HDX: variants seen among roughly 807,000 people sequenced by gnomAD.
The protein encoded by HDX is chromosome X open reading frame 43.
HDX carries 19 observed loss-of-function variants against 45.2 expected under a neutral mutation model. That is an observed-to-expected ratio of 0.42 (90% confidence interval 0.29 to 0.62). The LOEUF (loss-of-function observed/expected upper bound fraction) is 0.62, where lower values mean the gene tolerates loss of function less well. Among genes scored for constraint, HDX ranks in the 20% least tolerant of loss-of-function variants. HDX has a pLI of 0.20. For synonymous variants in HDX, 188 were observed against 172.8 expected, an observed-to-expected ratio of 1.09 and a Z score of -0.69; for missense variants, 532 against 493.9, an observed-to-expected ratio of 1.08 and a Z score of -0.73.
intron 5 of HDX, among the ~76,000 whole-genome samples, chrX:84,405,588 C>CTTTTTTTTTTTTTTT (rs55758874): frequency 3.4e-5 from 2 of 58,209 alleles, no homozygotes; most frequent in African/African-American, 1.3e-4. Context: ...GGATTTTCTG[C>CTTTTTTTTTTTTTTT]TTTTTTTTTT....
chrX:84,461,000 A>C (rs1314393071), intron 4 of HDX, among the ~76,000 whole-genome samples: 1 of 111,671 alleles, frequency 9.0e-6, no homozygotes, highest in Non-Finnish European at 1.9e-5. Flanking sequence ...AATGAAAACT[A>C]TAAAACATTG....
At chrX:84,371,740 T>C (rs1304481778) in intron 5 of HDX, among the ~76,000 whole-genome samples, 9 of 111,746 alleles carry the variant, frequency 8.1e-5, no homozygotes, top group African/African-American at 2.6e-4. Flanking sequence ...CAGGTTCACA[T>C]TTGATGCTTA....
chrX:84,323,303 G>A (rs1401176583), intron 10 of HDX, among the ~76,000 whole-genome samples: 1 of 111,037 alleles, frequency 9.0e-6, no homozygotes, highest in East Asian at 2.8e-4. Flanking sequence ...AATAGGACAC[G>A]GAGCCATTTT....
intron 5 of HDX, among the ~76,000 whole-genome samples, chrX:84,432,950 A>G (rs1456497701): frequency 9.0e-6 from 1 of 111,122 alleles, no homozygotes; most frequent in Non-Finnish European, 1.9e-5. Flanking sequence ...GTATAATGTC[A>G]GCATACCTGT....
intron 5 of HDX, among the ~76,000 whole-genome samples, chrX:84,375,727 A>C (rs745384321): frequency 3.7e-5 from 4 of 106,908 alleles, no homozygotes; most frequent in Admixed American, 3.0e-4. Context: ...GGGAACATCA[A>C]ACTCTGGGGA....
intron 5 of HDX, among the ~76,000 whole-genome samples, chrX:84,395,366 T>A (rs904872624): frequency 1.8e-5 from 2 of 110,700 alleles, no homozygotes; most frequent in South Asian, 3.8e-4. Flanking sequence ...GCAAGTTTTT[T>A]TTTTTTCCCC....
intron 5 of HDX, among the ~76,000 whole-genome samples, chrX:84,419,350 T>A (rs2039193841): frequency 9.0e-6 from 1 of 111,473 alleles, no homozygotes; most frequent in Non-Finnish European, 1.9e-5. Context: ...CACCACAAGC[T>A]GACTTAAGAG....
At chrX:84,347,669 C>A (rs2037237852) in intron 6 of HDX, among the ~76,000 whole-genome samples, 1 of 111,407 alleles carries the variant, frequency 9.0e-6, no homozygotes, top group African/African-American at 3.3e-5. Flanking sequence ...CTGAAAAAGT[C>A]TATTTCTCCT....
chrX:84,355,134 T>C (rs1781148055), intron 6 of HDX, among the ~76,000 whole-genome samples: 1 of 108,304 alleles, frequency 9.2e-6, no homozygotes, highest in Non-Finnish European at 1.9e-5. Flanking sequence ...AATCTAGCCA[T>C]GCTCCTTTGA....
chrX:84,320,937 G>C lies in HDX; in HGVS notation c.*952C>G, dbSNP rs2036585162. ...TATCCTTGGCTGATGGCTCTGTACA[G>C]GCCTCATATGGAAATGAGGTAAATT... On this transcript the variant is annotated 3_prime_UTR_variant, in exon 11 of 11. Transcript: ENST00000373177. The C allele has an allele frequency of 9.0e-6, 1 of 110,632 alleles. No individual in the cohort carries two copies. The highest frequency in any genetic ancestry group is 3.8e-4 in the South Asian group (1 of 2,660). The allele number at this position is 110,632 out of a possible 1,213,427, so 9.1% of individuals were successfully genotyped here. A position where few individuals can be genotyped will look rare whatever the true frequency, so the allele number is the denominator to read the frequency against.
At chrX:84,447,484 C>T (rs1054743915) in intron 4 of HDX, among the ~76,000 whole-genome samples, 1 of 111,170 alleles carries the variant, frequency 9.0e-6, no homozygotes, top group African/African-American at 3.3e-5. Flanking sequence ...GCAATCTTAG[C>T]CAATGGAAAG....
chrX:84,469,157 A>G lies in HDX; in HGVS notation c.566T>C (p.Val189Ala). ...QTSVLNAGNS[V>A]FNHAKKNYGN... ...ATAGTTTTTCTTTGCGTGATTGAAT[A>G]CTGAGTTTCCAGCATTTAGCACACT... Residue 189 changes from valine (V) to alanine (A), a missense_variant, in exon 4 of 11, where the codon GTA becomes GCA. Coordinates refer to ENST00000373177, the MANE Select transcript of HDX (RefSeq NM_001177479.2). The G allele has an allele frequency of 2.5e-6, 3 of 1,209,381 alleles. No homozygotes were observed. The highest frequency in any genetic ancestry group is 3.4e-6 in the Non-Finnish European group (3 of 893,866).
At chrX:84,388,645 G>A (rs2038373769) in intron 5 of HDX, among the ~76,000 whole-genome samples, 1 of 111,305 alleles carries the variant, frequency 9.0e-6, no homozygotes, top group Non-Finnish European at 1.9e-5. Context: ...TTTAGCTTTC[G>A]AAGTTTGGTT....
At chrX:84,385,156 G>T (rs2038280165) in intron 5 of HDX, among the ~76,000 whole-genome samples, 4 of 93,531 alleles carry the variant, frequency 4.3e-5, no homozygotes. Flanking sequence ...CAATTCATGA[G>T]CATGGAATTT....
intron 4 of HDX, among the ~76,000 whole-genome samples, chrX:84,457,113 C>T (rs764995470): frequency 5.4e-5 from 6 of 111,585 alleles, no homozygotes; most frequent in Non-Finnish European, 1.1e-4. Flanking sequence ...AAGAATAGAC[C>T]ACATGTTAGG....
chrX:84,334,767 C>A lies in HDX; in HGVS notation c.1741-925G>T, dbSNP rs113014779. On this transcript the variant is annotated intron_variant, in intron 8 of 10. Transcript: ENST00000373177. ...GAAAAAACTCCTTTAAATATTTAAA[C>A]CCTGCCAACCCAAAGAAAATTTTTA... Among the ~76,000 whole-genome samples, 611 of 108,087 alleles carry A rather than the reference C, an allele frequency of 5.7e-3. 5 individuals are homozygous for A. The highest frequency in any genetic ancestry group is 0.019 in the African/African-American group (561 of 29,833). 93.9% of individuals were successfully genotyped at this position (108,087 alleles called of 115,157 possible). A position where few individuals can be genotyped will look rare whatever the true frequency, so the allele number is the denominator to read the frequency against.
chrX:84,373,241 A>G (rs1293381750), intron 5 of HDX, among the ~76,000 whole-genome samples: 4 of 111,532 alleles, frequency 3.6e-5, no homozygotes, highest in Non-Finnish European at 7.5e-5. Flanking sequence ...AGCACTTTTG[A>G]TAGGAAATGT....
At chrX:84,437,932 G>A (rs1032269588) in intron 5 of HDX, among the ~76,000 whole-genome samples, 1 of 111,150 alleles carries the variant, frequency 9.0e-6, no homozygotes, top group Non-Finnish European at 1.9e-5. Context: ...TGGTCTAGCA[G>A]GAACAGAGAG....
chrX:84,479,075 A>T (rs983433986), intron 2 of HDX, among the ~76,000 whole-genome samples: 2 of 111,837 alleles, frequency 1.8e-5, no homozygotes, highest in Non-Finnish European at 3.8e-5. Context: ...CATTATTATT[A>T]TTCACTTCTA....
Sources: allele counts gnomAD v4.1 joint callset (sites outside exome capture counted in the v4.1 genomes callset), GRCh38; gene constraint gnomAD v4.1.1; transcripts MANE v1.5; gene names NCBI Gene and HGNC (gene_info 2026-07-23, HGNC 2026-07-21).